Variants in PDE4B observed in about 807,000 individuals in gnomAD.
The protein encoded by PDE4B is phosphodiesterase 4B.
PDE4B carries 20 observed loss-of-function variants against 82.2 expected under a neutral mutation model. That is an observed-to-expected ratio of 0.24 (90% CI 0.17 to 0.35). PDE4B has a LOEUF of 0.35. Ranked by LOEUF, PDE4B falls within the 10% of genes least tolerant of loss-of-function variation. PDE4B has a pLI of 1.00. For synonymous variants in PDE4B, 320 were observed against 318.9 expected, an observed-to-expected ratio of 1.00 and a Z score of -0.04; for missense variants, 655 against 907.2, an observed-to-expected ratio of 0.72 and a Z score of 3.57.
intron 1 of PDE4B, among the ~76,000 whole-genome samples, chr1:65,909,958 T>G (rs1196094770): frequency 5.3e-5 from 8 of 152,194 alleles, no homozygotes; most frequent in Non-Finnish European, 8.8e-5. Context: ...AGTTTCACCT[T>G]GAAAAGATGT....
intron 3 of PDE4B, among the ~76,000 whole-genome samples, chr1:66,044,629 T>C (rs1654587698): frequency 6.6e-6 from 1 of 151,792 alleles, no homozygotes; most frequent in Non-Finnish European, 1.5e-5. Flanking sequence ...AAAATTAGTG[T>C]AATTAAAACT....
At chr1:65,966,084 A>G (rs1308440793) in intron 3 of PDE4B, among the ~76,000 whole-genome samples, 1 of 152,162 alleles carries the variant, frequency 6.6e-6, no homozygotes, top group Non-Finnish European at 1.5e-5. Context: ...AGGGTATTCA[A>G]ATAGGAAGAG....
At chr1:65,898,936 C>A (rs1262926675) in intron 1 of PDE4B, among the ~76,000 whole-genome samples, 1 of 151,958 alleles carries the variant, frequency 6.6e-6, no homozygotes, top group African/African-American at 2.4e-5. Flanking sequence ...AACTCAAAAG[C>A]AAATGCAATA....
At chr1:66,071,908 A>G (rs1656173006) in intron 3 of PDE4B, among the ~76,000 whole-genome samples, 1 of 151,888 alleles carries the variant, frequency 6.6e-6, no homozygotes, top group Admixed American at 6.6e-5. Context: ...AATTTGTACA[A>G]CTCTTTAATT....
intron 8 of PDE4B, among the ~76,000 whole-genome samples, chr1:66,348,482 A>G (rs1438791112): frequency 6.6e-6 from 1 of 152,160 alleles, no homozygotes; most frequent in African/African-American, 2.4e-5. Flanking sequence ...CTCCAGGAAC[A>G]GTTTTAGGTC....
chr1:66,260,609 G>T (rs1016158287), intron 6 of PDE4B, among the ~76,000 whole-genome samples: 1 of 152,140 alleles, frequency 6.6e-6, no homozygotes, highest in Non-Finnish European at 1.5e-5. Flanking sequence ...GAGAAGGCGG[G>T]GTGGGTGGTG....
At chr1:66,275,428 T>A (rs1273612856) in intron 7 of PDE4B, among the ~76,000 whole-genome samples, 1 of 152,120 alleles carries the variant, frequency 6.6e-6, no homozygotes, top group Non-Finnish European at 1.5e-5. Flanking sequence ...GATTGGCCCT[T>A]TTGGGAAAAA....
chr1:66,201,762 G>T (rs1465709156), intron 3 of PDE4B, among the ~76,000 whole-genome samples: 5 of 151,800 alleles, frequency 3.3e-5, no homozygotes, highest in Non-Finnish European at 4.4e-5. Context: ...CTTGCTAGCG[G>T]TCTATCAATT....
At chr1:66,332,747 C>T (rs985011812) in intron 8 of PDE4B, 127 bp downstream of exon 8, 20 of 745,646 alleles carry the variant, frequency 2.7e-5, no homozygotes, top group Admixed American at 1.7e-4. Flanking sequence ...GTTGCTTTGT[C>T]TAGAAGATTC....
At chr1:65,880,696 T>A (rs988558848) in intron 1 of PDE4B, among the ~76,000 whole-genome samples, 2 of 152,214 alleles carry the variant, frequency 1.3e-5, no homozygotes, top group African/African-American at 4.8e-5. Context: ...ATCTTGGACG[T>A]GCCAGCCTTC....
chr1:66,254,323 G>T (rs975696314), intron 4 of PDE4B, among the ~76,000 whole-genome samples: 1 of 152,104 alleles, frequency 6.6e-6, no homozygotes, highest in Non-Finnish European at 1.5e-5. Flanking sequence ...GTTCATCTTG[G>T]GAAAAAAGGT....
intron 3 of PDE4B, among the ~76,000 whole-genome samples, chr1:65,972,410 G>A (rs1171879061): frequency 2.0e-5 from 3 of 152,068 alleles, no homozygotes; most frequent in Non-Finnish European, 4.4e-5. Flanking sequence ...TGGGAGATCC[G>A]TGTATCTTAG....
At position 66,201,609 on chromosome 1, in the gene PDE4B, C is replaced by G. The variant is rs558991461; in HGVS notation, c.282-45851C>G. ...GTGTCGAGTAATTTATCCATTTCTTCTAGATTTTCTAGTTTATTTGCGTAG... is the reference window on the plus strand; with the variant it reads ...GTGTCGAGTAATTTATCCATTTCTTGTAGATTTTCTAGTTTATTTGCGTAG... On this transcript the variant is annotated intron_variant, in intron 3 of 16. Transcript: ENST00000341517. Among the ~76,000 whole-genome samples, 7 of 150,550 alleles carry G rather than the reference C, an allele frequency of 4.6e-5. No homozygotes were observed. In the East Asian group the frequency reaches 9.7e-4, roughly 21 times the overall value.
At chr1:65,993,048 C>A (rs201170908) in intron 3 of PDE4B, 1 of 1,613,888 alleles carries the variant, frequency 6.2e-7, no homozygotes, top group Admixed American at 1.7e-5. Flanking sequence ...AATTTCTCCA[C>A]GCAGTTCACC....
At chr1:66,204,281 C>T (rs1649333696) in intron 3 of PDE4B, among the ~76,000 whole-genome samples, 1 of 152,260 alleles carries the variant, frequency 6.6e-6, no homozygotes, top group African/African-American at 2.4e-5. Flanking sequence ...CCCAGTTAGG[C>T]TGCTCGGGGG....
chr1:66,356,170 A>T (rs1266381029), intron 9 of PDE4B, among the ~76,000 whole-genome samples: 1 of 152,210 alleles, frequency 6.6e-6, no homozygotes, highest in Non-Finnish European at 1.5e-5. Context: ...AAGGGGGAGA[A>T]TTTTAATATT....
intron 7 of PDE4B, among the ~76,000 whole-genome samples, chr1:66,291,157 G>A (rs148271135): frequency 6.6e-6 from 1 of 152,310 alleles, no homozygotes; most frequent in East Asian, 1.9e-4. Context: ...ATATCAGGCT[G>A]TGGGCTAAGT....
In PDE4B at chr1:66,168,382, G is replaced by T. The variant is rs149849147; in HGVS notation, c.282-79078G>T. On this transcript the variant is annotated intron_variant, in intron 3 of 16. Transcript: ENST00000341517. ...GCAAAATAAAGAGAGTGCTGTTGTG[G>T]TAGGGTGGTCAGACAAGACCTTGAT... is the stretch of plus-strand genomic sequence containing the variant. 1.0e-3 allele frequency among the ~76,000 whole-genome samples: 154 copies of T among 152,308 alleles called. 2 individuals are homozygous for T. The highest frequency in any genetic ancestry group is 4.0e-4 in the Non-Finnish European group (27 of 68,026).
chr1:66,229,587 C>T (rs1433101066), intron 3 of PDE4B, among the ~76,000 whole-genome samples: 1 of 152,232 alleles, frequency 6.6e-6, no homozygotes, highest in Non-Finnish European at 1.5e-5. Context: ...CTACTCCACA[C>T]CTCAGCACAT....
Sources: allele counts gnomAD v4.1 joint callset (sites outside exome capture counted in the v4.1 genomes callset), GRCh38; gene constraint gnomAD v4.1.1; transcripts MANE v1.5; gene names NCBI Gene and HGNC (gene_info 2026-07-23, HGNC 2026-07-21).